AUTS2: variants seen among roughly 807,000 people sequenced by gnomAD.
AUTS2 encodes activator of transcription and developmental regulator AUTS2, also known as autism susceptibility gene 2 protein.
AUTS2 carries 17 observed loss-of-function variants against 112.4 expected under a neutral mutation model. The observed-to-expected ratio is 0.15, with a 90% CI of 0.10 to 0.23. The LOEUF (loss-of-function observed/expected upper bound fraction) is 0.23, where lower values mean the gene tolerates loss of function less well. AUTS2 is among the 10% of genes least tolerant of loss of function. The pLI, the probability that AUTS2 is intolerant of heterozygous loss-of-function variation, is 1.00. For synonymous variants in AUTS2, 751 were observed against 702.7 expected, an observed-to-expected ratio of 1.07 and a Z score of -1.09; for missense variants, 1,510 against 1,701.6, an observed-to-expected ratio of 0.89 and a Z score of 1.98.
chr7:69,803,798 G>A (rs1790186095), intron 1 of AUTS2, among the ~76,000 whole-genome samples: 1 of 152,224 alleles, frequency 6.6e-6, no homozygotes, highest in African/African-American at 2.4e-5. Context: ...GGGAGGCCAA[G>A]GCAGGAGGAT....
intron 2 of AUTS2, among the ~76,000 whole-genome samples, chr7:70,102,578 A>G (rs1562695046): frequency 6.6e-6 from 1 of 152,070 alleles, no homozygotes; most frequent in African/African-American, 2.4e-5. Flanking sequence ...AGGTATAAGC[A>G]CTGGAATTTA....
intron 5 of AUTS2, among the ~76,000 whole-genome samples, chr7:70,606,630 G>A (rs1426644856): frequency 6.6e-6 from 1 of 152,158 alleles, no homozygotes; most frequent in Non-Finnish European, 1.5e-5. Context: ...GGAGGCTGAG[G>A]CAGGCAGATC....
chr7:69,760,776 TGC>T (rs1473285890), intron 1 of AUTS2, among the ~76,000 whole-genome samples: 1 of 152,140 alleles, frequency 6.6e-6, no homozygotes, highest in Non-Finnish European at 1.5e-5. Context: ...GCCGAGATCG[TGC>T]CACTGCACTC....
chr7:70,527,456 A>G (rs1187334678), intron 5 of AUTS2, among the ~76,000 whole-genome samples: 2 of 152,104 alleles, frequency 1.3e-5, no homozygotes, highest in African/African-American at 4.8e-5. Context: ...TTAAGTATAG[A>G]TCAGCCTGGT....
intron 1 of AUTS2, among the ~76,000 whole-genome samples, chr7:69,667,282 A>G (rs1461176734): frequency 6.6e-6 from 1 of 151,974 alleles, no homozygotes; most frequent in Non-Finnish European, 1.5e-5. Flanking sequence ...TTAAGTTTCA[A>G]TGTGAGTTTT....
At chr7:70,501,242 T>G (rs1477194963) in intron 5 of AUTS2, among the ~76,000 whole-genome samples, 2 of 152,330 alleles carry the variant, frequency 1.3e-5, no homozygotes, top group South Asian at 4.1e-4. Flanking sequence ...GTTTTTACTC[T>G]GGGGGGCACA....
intron 1 of AUTS2, among the ~76,000 whole-genome samples, chr7:69,684,630 G>A (rs1045441538): frequency 7.9e-5 from 12 of 152,174 alleles, no homozygotes; most frequent in African/African-American, 2.4e-4. Flanking sequence ...TTTTCAGCAT[G>A]TTAATGACTG....
At chr7:70,386,712 C>T (rs1793625397) in intron 4 of AUTS2, among the ~76,000 whole-genome samples, 1 of 152,036 alleles carries the variant, frequency 6.6e-6, no homozygotes, top group African/African-American at 2.4e-5. Context: ...GTCAGAAAGG[C>T]TTCACTTATC....
chr7:69,688,135 A>C (rs761569375), intron 1 of AUTS2, among the ~76,000 whole-genome samples: 2 of 152,232 alleles, frequency 1.3e-5, no homozygotes, highest in African/African-American at 4.8e-5. Context: ...ATGTGTATTA[A>C]ACAGCCTGGG....
intron 4 of AUTS2, among the ~76,000 whole-genome samples, chr7:70,246,006 G>A (rs1445721152): frequency 2.6e-5 from 4 of 152,044 alleles, no homozygotes; most frequent in Non-Finnish European, 5.9e-5. Flanking sequence ...TTCCTCTTCT[G>A]AGCATGTTCT....
intron 4 of AUTS2, among the ~76,000 whole-genome samples, chr7:70,259,292 A>G (rs888112925): frequency 8.6e-5 from 13 of 151,444 alleles, no homozygotes; most frequent in African/African-American, 3.2e-4. Context: ...ACAAAAATCT[A>G]GAGCTTGGCT....
At chr7:70,060,181 A>T (rs1334972118) in intron 2 of AUTS2, among the ~76,000 whole-genome samples, 1 of 152,114 alleles carries the variant, frequency 6.6e-6, no homozygotes, top group East Asian at 1.9e-4. Flanking sequence ...TAAATTTTTT[A>T]AAAAGTTTTT....
chr7:70,008,769 C>T lies in AUTS2; in HGVS notation c.522+109271C>T, dbSNP rs984644016. 4.6e-5 allele frequency among the ~76,000 whole-genome samples: 7 copies of T among 152,152 alleles called. No homozygotes were observed. The East Asian group carries it at 5.8e-4, about 13-fold the overall frequency. ...GAGATTTTGCTGTTAATATCACAGC[C>T]GTATCACTAAAATTTCCACAATCCT... On this transcript the variant is annotated intron_variant, in intron 2 of 18. Coordinates refer to ENST00000342771, the MANE Select transcript of AUTS2 (RefSeq NM_015570.4).
intron 6 of AUTS2, among the ~76,000 whole-genome samples, chr7:70,730,675 T>C (rs551589889): frequency 2.8e-5 from 4 of 141,778 alleles, no homozygotes; most frequent in East Asian, 3.0e-4. Context: ...TTCAAGTTGC[T>C]TCTATTTTTT....
chr7:70,208,792 AAAG>A (rs1415379721), intron 4 of AUTS2, among the ~76,000 whole-genome samples: 4 of 151,770 alleles, frequency 2.6e-5, no homozygotes, highest in East Asian at 1.9e-4. Context: ...CAAGCAGAAG[AAAG>A]AAGAAGTACA....
intron 5 of AUTS2, among the ~76,000 whole-genome samples, chr7:70,574,043 A>G (rs891743554): frequency 6.6e-6 from 1 of 152,108 alleles, no homozygotes; most frequent in African/African-American, 2.4e-5. Context: ...TGCTTCTACC[A>G]TGGCGTTTTC....
At chr7:69,608,183 C>G (rs552711331) in intron 1 of AUTS2, among the ~76,000 whole-genome samples, 1 of 152,312 alleles carries the variant, frequency 6.6e-6, no homozygotes, top group South Asian at 2.1e-4. Flanking sequence ...ATCCACCCTC[C>G]TCAGCCTCCC....
intron 1 of AUTS2, among the ~76,000 whole-genome samples, chr7:69,810,918 A>G (rs1052038801): frequency 6.6e-6 from 1 of 152,230 alleles, no homozygotes; most frequent in Non-Finnish European, 1.5e-5. Context: ...AGCATATTCA[A>G]CATTTTTTTG....
chr7:69,749,436 G>A (rs1183222773), intron 1 of AUTS2, among the ~76,000 whole-genome samples: 1 of 152,144 alleles, frequency 6.6e-6, no homozygotes, highest in Non-Finnish European at 1.5e-5. Flanking sequence ...CTCATCAGAT[G>A]TTGTAGGCAC....
Sources: allele counts gnomAD v4.1 joint callset (sites outside exome capture counted in the v4.1 genomes callset), GRCh38; gene constraint gnomAD v4.1.1; transcripts MANE v1.5; gene names NCBI Gene and HGNC (gene_info 2026-07-23, HGNC 2026-07-21).